Variants in ZFR observed in about 807,000 individuals in gnomAD.
ZFR encodes zinc finger RNA-binding protein.
A neutral mutation model predicts 130.7 loss-of-function variants in ZFR; 19 were observed. The ratio of observed to expected loss-of-function variants is 0.15; its 90% CI spans 0.10 to 0.21. The LOEUF (loss-of-function observed/expected upper bound fraction) is 0.21, where lower values mean the gene tolerates loss of function less well. Ranked by LOEUF, ZFR falls within the 10% of genes least tolerant of loss-of-function variation. ZFR has a pLI of 1.00. For missense variants in ZFR, 872 were observed against 1,321.5 expected (o/e 0.66, Z 5.27); for synonymous variants, 466 against 456.9 (o/e 1.02, Z -0.25).
chr5:32,443,161 C>T (rs1041986714), intron 2 of ZFR, among the ~76,000 whole-genome samples: 9 of 152,148 alleles, frequency 5.9e-5, no homozygotes, highest in Admixed American at 5.2e-4. Context: ...AAAAAAACTG[C>T]CTGGGTTTAA....
intron 6 of ZFR, 171 bp downstream of exon 6, chr5:32,406,603 G>GTT: frequency 4.5e-6 from 4 of 885,054 alleles, no homozygotes; most frequent in East Asian, 3.3e-5. Context: ...CATCTTTACA[G>GTT]TTTTTTTTTC....
At chr5:32,396,204 C>T (rs560782762) in intron 10 of ZFR, among the ~76,000 whole-genome samples, 55 of 150,964 alleles carry the variant, frequency 3.6e-4, no homozygotes, top group South Asian at 1.7e-3. Context: ...CAGAGCAAGG[C>T]CCTATCTCAA....
chr5:32,358,945 G>A (rs2330956), intron 19 of ZFR, among the ~76,000 whole-genome samples: 42,840 of 151,724 alleles, frequency 0.28, 6,706 homozygotes, highest in Middle Eastern at 0.43. Flanking sequence ...AAGCTTAGCC[G>A]GGCATGGTGG....
intron 14 of ZFR, among the ~76,000 whole-genome samples, chr5:32,386,852 T>C (rs754902952): frequency 1.3e-5 from 2 of 152,138 alleles, no homozygotes; most frequent in Admixed American, 1.3e-4. Flanking sequence ...TCCTTGAATT[T>C]AGAATGCTTT....
Position 32,417,672 on chromosome 5 carries a change from C to T in ZFR, c.541G>A (p.Val181Ile), listed in dbSNP as rs1206340062. Residue 181 changes from valine to isoleucine, a missense_variant, in exon 4 of 20, where the codon GTT becomes ATT. Coordinates refer to ENST00000265069, the MANE Select transcript of ZFR (RefSeq NM_016107.5). ...CCTGTCTGATAGTAAGTTTCAGCAA[C>T]AGAAGGCTGAGGTTGGGCAGCGGCA... ...VAAAAQPQPS[V>I]AETYYQTAPK... 6.2e-7 allele frequency: 1 copy of T among 1,613,570 alleles called. No homozygotes were observed. The highest frequency in any genetic ancestry group is 8.5e-7 in the Non-Finnish European group (1 of 1,179,870).
intron 17 of ZFR, among the ~76,000 whole-genome samples, chr5:32,366,154 G>C (rs1195470252): frequency 1.3e-5 from 2 of 152,288 alleles, no homozygotes; most frequent in Non-Finnish European, 2.9e-5. Context: ...ATTTTGGAAA[G>C]AATGTGAGAA....
chr5:32,439,546 T>C (rs912504234), intron 2 of ZFR, among the ~76,000 whole-genome samples: 1 of 152,214 alleles, frequency 6.6e-6, no homozygotes, highest in Non-Finnish European at 1.5e-5. Context: ...GATGCCTTCT[T>C]TTGACTGGCA....
rs148200315 is a variant in ZFR, at chr5:32,421,903, A to G, written c.138-1800T>C. Among the ~76,000 whole-genome samples, 137 of 152,266 alleles carry G rather than the reference A, an allele frequency of 9.0e-4. 2 individuals are homozygous for G. The East Asian group carries it at 0.017, about 19-fold the overall frequency. ...AATAACATTTTCTAGGAACAACTCC[A>G]TATCTGTAAGAAAATGCCAGTAACA... is the stretch of plus-strand genomic sequence containing the variant. On this transcript the variant is annotated intron_variant, in intron 2 of 19. Transcript: ENST00000265069.
At chr5:32,438,654 T>C (rs1291142875) in intron 2 of ZFR, among the ~76,000 whole-genome samples, 2 of 152,208 alleles carry the variant, frequency 1.3e-5, no homozygotes, top group African/African-American at 2.4e-5. Context: ...TACCTGTAAA[T>C]AGAAACTTTC....
chr5:32,366,756 G>A (rs1286248143), intron 17 of ZFR, among the ~76,000 whole-genome samples: 2 of 151,840 alleles, frequency 1.3e-5, no homozygotes, highest in African/African-American at 4.8e-5. Flanking sequence ...AAAGGGTCTT[G>A]GAGGCTATAA....
chr5:32,372,632 A>G (rs2111686568), intron 17 of ZFR, among the ~76,000 whole-genome samples: 2 of 152,270 alleles, frequency 1.3e-5, no homozygotes, highest in Middle Eastern at 3.4e-3. Context: ...CAAGAGCTCG[A>G]GACTAACCTG....
intron 15 of ZFR, among the ~76,000 whole-genome samples, chr5:32,382,463 A>C (rs1233329608): frequency 6.6e-6 from 1 of 152,258 alleles, no homozygotes; most frequent in African/African-American, 2.4e-5. Flanking sequence ...GACAATGTGC[A>C]ATCTCTAAAA....
At chr5:32,383,474 A>AT (rs1228877870) in intron 15 of ZFR, among the ~76,000 whole-genome samples, 57 of 152,348 alleles carry the variant, frequency 3.7e-4, no homozygotes, top group African/African-American at 1.3e-3. Flanking sequence ...TGTTTACTTA[A>AT]TGTTTAACTG....
At chr5:32,376,830 T>A (rs1165200459) in intron 17 of ZFR, among the ~76,000 whole-genome samples, 2 of 152,038 alleles carry the variant, frequency 1.3e-5, no homozygotes, top group African/African-American at 4.8e-5. Flanking sequence ...ATACAAATTA[T>A]TAGCAGGGCG....
intron 2 of ZFR, among the ~76,000 whole-genome samples, chr5:32,425,279 TC>T (rs1340387544): frequency 6.6e-6 from 1 of 152,330 alleles, no homozygotes; most frequent in Admixed American, 6.5e-5. Flanking sequence ...CCCTAAGGGT[TC>T]CTGAGACCCT....
intron 5 of ZFR, among the ~76,000 whole-genome samples, chr5:32,411,718 G>A (rs1341986455): frequency 1.0e-5 from 1 of 100,456 alleles, no homozygotes; most frequent in Non-Finnish European, 1.9e-5. Context: ...GAGGGGGGGC[G>A]GGGAATAGAA....
intron 2 of ZFR, among the ~76,000 whole-genome samples, chr5:32,425,606 C>T (rs1250407360): frequency 6.6e-6 from 1 of 152,176 alleles, no homozygotes; most frequent in Non-Finnish European, 1.5e-5. Context: ...CGGCTCACTG[C>T]AACCTCCGCC....
intron 4 of ZFR, among the ~76,000 whole-genome samples, chr5:32,415,496 G>GTGTGTGTC (rs1230559435): frequency 2.0e-5 from 2 of 102,084 alleles, no homozygotes; most frequent in African/African-American, 4.1e-5. Flanking sequence ...GTGTGTGTGT[G>GTGTGTGTC]TGTGTGTGTG....
At chr5:32,376,970 G>GAA (rs57361923) in intron 17 of ZFR, among the ~76,000 whole-genome samples, 89,649 of 144,292 alleles carry the variant, frequency 0.62, 28,375 homozygotes, top group African/African-American at 0.72. Flanking sequence ...CAAGCTGTCT[G>GAA]AAAAAAAACC....
Sources: gnomAD v4.1 joint callset for allele counts (sites outside exome capture counted in the v4.1 genomes callset) on GRCh38, gnomAD v4.1.1 for gene constraint, MANE v1.5 for transcripts, NCBI Gene and HGNC (gene_info 2026-07-23, HGNC 2026-07-21) for gene names.